Variants in NACC2 observed in about 807,000 individuals in gnomAD.
The protein encoded by NACC2 is NACC family member 2, also known as nucleus accumbens-associated protein 2.
In NACC2, 8 loss-of-function variants were observed where a neutral mutation model predicts 25.1. The observed-to-expected ratio is 0.32, with a 90% CI of 0.19 to 0.57. NACC2 has a LOEUF of 0.57. Among genes scored for constraint, NACC2 ranks in the 20% least tolerant of loss-of-function variants. NACC2 has a pLI of 0.89. For missense variants in NACC2, 644 were observed against 650.2 expected, an observed-to-expected ratio of 0.99 and a Z score of 0.10; for synonymous variants, 435 against 294.7, an observed-to-expected ratio of 1.48 and a Z score of -4.88.
At chr9:136,025,912 C>T (rs769116980) in intron 2 of NACC2, among the ~76,000 whole-genome samples, 3 of 151,514 alleles carry the variant, frequency 2.0e-5, no homozygotes, top group African/African-American at 7.3e-5. Context: ...AAGACCATCT[C>T]GAAAACAAAC....
chr9:136,025,812 A>C lies in NACC2; in HGVS notation c.887-9383T>G, dbSNP rs1363707010. Among the ~76,000 whole-genome samples, 3 of 151,580 alleles carry C rather than the reference A, an allele frequency of 2.0e-5. No homozygotes were observed. In the East Asian group the frequency reaches 5.9e-4, roughly 30 times the overall value. ...CACTTGTAGTCCCGGCTACTCAGGA[A>C]GTGGAGGCAGGAGAATCGCTTGAAC... On this transcript the variant is annotated intron_variant, in intron 2 of 5. Transcript: ENST00000277554.
At position 136,007,540 on chromosome 9, in the gene NACC2, CACAG is replaced by C. The variant is rs2131125897; in HGVS notation, c.*3972_*3975del. On this transcript the variant is annotated 3_prime_UTR_variant, in exon 6 of 6. Coordinates refer to ENST00000277554, the MANE Select transcript of NACC2 (RefSeq NM_144653.5). ...ACACACAGACGCACAGACGTGCACA[CACAG>C]ACACGCACACACACACAGACACGCG... 9.2e-6 allele frequency: 1 copy of C among 108,170 alleles called. No individual in the cohort carries two copies. The highest frequency in any genetic ancestry group is 2.3e-4 in the East Asian group (1 of 4,294). The allele number at this position is 108,170 out of a possible 1,614,324, so 6.7% of individuals were successfully genotyped here. A position where few individuals can be genotyped will look rare whatever the true frequency, so the allele number is the denominator to read the frequency against.
chr9:136,015,893 C>T (rs953925914), intron 3 of NACC2, among the ~76,000 whole-genome samples: 4 of 152,226 alleles, frequency 2.6e-5, no homozygotes, highest in African/African-American at 2.4e-5. Flanking sequence ...AGAAGGATCC[C>T]GCCTTGACTG....
intron 1 of NACC2, among the ~76,000 whole-genome samples, chr9:136,079,009 G>C (rs1830293359): frequency 6.6e-6 from 1 of 152,180 alleles, no homozygotes; most frequent in Non-Finnish European, 1.5e-5. Context: ...CGGTTCCCGA[G>C]GGAGCACTGA....
Position 136,011,882 on chromosome 9 carries a change from G to T in NACC2, c.1398C>A (p.Tyr466Ter). ...CGGCGGCGGAGCCCATGACCGTGCG[G>T]TACATCTCCACGCCCTCCGGCAGCA... ...KSMLPEGVEM[Y>*]RTVMGSAAAS... The change falls in exon 6 of 6, where the codon TAC becomes TAA. Residue 466 changes from tyrosine (Y) to a stop codon, truncating the protein, a stop_gained. Transcript: ENST00000277554. LOFTEE classifies it high-confidence loss of function. 6.4e-7 allele frequency: 1 copy of T among 1,572,714 alleles called. No individual in the cohort carries two copies.
chr9:136,040,741 C>T (rs1840615383), intron 2 of NACC2, among the ~76,000 whole-genome samples: 1 of 152,182 alleles, frequency 6.6e-6, no homozygotes, highest in African/African-American at 2.4e-5. Context: ...AGGTAGATGG[C>T]TTGAGCCCAG....
At chr9:136,016,937 G>A (rs1429004685) in intron 2 of NACC2, among the ~76,000 whole-genome samples, 1 of 152,088 alleles carries the variant, frequency 6.6e-6, no homozygotes, top group Non-Finnish European at 1.5e-5. Context: ...AGGGGTGACA[G>A]GTACTGTGGC....
At chr9:136,059,150 G>A (rs1840972585) in intron 1 of NACC2, among the ~76,000 whole-genome samples, 1 of 152,232 alleles carries the variant, frequency 6.6e-6, no homozygotes, top group Admixed American at 6.5e-5. Context: ...TGGAGATGAA[G>A]CTTTAGCTGG....
chr9:136,067,878 T>C (rs779308256), intron 1 of NACC2, among the ~76,000 whole-genome samples: 1 of 152,160 alleles, frequency 6.6e-6, no homozygotes, highest in Non-Finnish European at 1.5e-5. Flanking sequence ...AGCCTAACTG[T>C]GGTTAGGCTA....
chr9:136,023,680 G>A (rs935781765), intron 2 of NACC2, among the ~76,000 whole-genome samples: 4 of 152,166 alleles, frequency 2.6e-5, no homozygotes, highest in Admixed American at 1.3e-4. Context: ...CCATCCACAC[G>A]TTTCTCAGAC....
At chr9:136,045,225 C>T (rs553821490) in intron 2 of NACC2, among the ~76,000 whole-genome samples, 1 of 151,864 alleles carries the variant, frequency 6.6e-6, no homozygotes, top group East Asian at 1.9e-4. Flanking sequence ...CAGGGGACAC[C>T]GGGTGGACCC....
At position 136,049,802 on chromosome 9, in the gene NACC2, G is replaced by T. The variant is rs1840788916; in HGVS notation, c.720C>A (p.Pro240=). ...ATLIPGIQQM[P]YPQGERTSPG... is the part of the protein sequence containing the mutation. Reference sequence around the variant, plus strand: ...GACTGGTCCGCTCCCCCTGGGGGTAGGGCATCTGCTGGATGCCGGGGATGA... The same window carrying T: ...GACTGGTCCGCTCCCCCTGGGGGTATGGCATCTGCTGGATGCCGGGGATGA... The change falls in exon 2 of 6, where the codon CCC becomes CCA. Residue 240 remains proline (P), a synonymous_variant. Coordinates refer to ENST00000277554, the MANE Select transcript of NACC2 (RefSeq NM_144653.5). 13 of 757,460 alleles carry T rather than the reference G, an allele frequency of 1.7e-5. No homozygotes were observed. The highest frequency in any genetic ancestry group is 3.2e-4 in the Middle Eastern group (1 of 3,110). 46.9% of individuals were successfully genotyped at this position (757,460 alleles called of 1,614,324 possible).
intron 1 of NACC2, among the ~76,000 whole-genome samples, chr9:136,088,784 G>A (rs923013547): frequency 3.3e-5 from 5 of 152,174 alleles, no homozygotes; most frequent in Non-Finnish European, 5.9e-5. Flanking sequence ...AGGCCTGGGC[G>A]TGGAGGGCGG....
chr9:136,083,152 C>T (rs992551888), intron 1 of NACC2, among the ~76,000 whole-genome samples: 11 of 152,216 alleles, frequency 7.2e-5, no homozygotes, highest in Admixed American at 6.5e-4. Context: ...CCTGCTGGAG[C>T]GGAGGCTGTT....
chr9:136,042,693 GAC>G (rs768116528), intron 2 of NACC2, among the ~76,000 whole-genome samples: 4 of 144,758 alleles, frequency 2.8e-5, no homozygotes, highest in African/African-American at 8.0e-5. Flanking sequence ...TACACACACA[GAC>G]ACACACACAG....
chr9:136,087,790 C>T (rs1830393864), intron 1 of NACC2, among the ~76,000 whole-genome samples: 1 of 152,172 alleles, frequency 6.6e-6, no homozygotes, highest in African/African-American at 2.4e-5. Context: ...TGAGGACAGC[C>T]CAGGACGGCA....
At chr9:136,015,374 A>G (rs2131133697) in intron 3 of NACC2, among the ~76,000 whole-genome samples, 1 of 152,290 alleles carries the variant, frequency 6.6e-6, no homozygotes, top group South Asian at 2.1e-4. Context: ...AGGCCACAGC[A>G]AGGTGGGCCC....
intron 2 of NACC2, among the ~76,000 whole-genome samples, chr9:136,029,786 G>A (rs1426493326): frequency 6.6e-6 from 1 of 152,198 alleles, no homozygotes; most frequent in Admixed American, 6.5e-5. Context: ...TGCAGCCAGT[G>A]TGCCTGGCTG....
intron 2 of NACC2, among the ~76,000 whole-genome samples, chr9:136,042,251 G>A (rs1238294065): frequency 1.3e-5 from 2 of 152,160 alleles, no homozygotes; most frequent in African/African-American, 4.8e-5. Flanking sequence ...GCCTCCCAAA[G>A]TGCTGGGATT....
Sources: allele counts gnomAD v4.1 joint callset (sites outside exome capture counted in the v4.1 genomes callset), GRCh38; gene constraint gnomAD v4.1.1; transcripts MANE v1.5; gene names NCBI Gene and HGNC (gene_info 2026-07-23, HGNC 2026-07-21).